Variants in IFT57 observed in about 807,000 individuals in gnomAD.
IFT57 encodes the protein intraflagellar transport protein 57 homolog.
Under a neutral mutation model 56.8 loss-of-function variants are expected in IFT57, and 59 were observed. The ratio of observed to expected loss-of-function variants is 1.04; its 90% confidence interval spans 0.84 to 1.29. The LOEUF is 1.29. IFT57 is among the 50% of genes most tolerant of loss of function. The pLI is 0.00. For synonymous variants in IFT57, 209 were observed against 186.1 expected, an observed-to-expected ratio of 1.12 and a Z score of -1.00; for missense variants, 470 against 522.1, an observed-to-expected ratio of 0.90 and a Z score of 0.97.
Position 108,166,921 on chromosome 3 carries a change from T to A in IFT57, c.914A>T (p.Lys305Met), listed in dbSNP as rs779526531. 9.3e-6 allele frequency: 15 copies of A among 1,611,712 alleles called. No homozygotes were observed. In the South Asian group the frequency reaches 1.6e-4, roughly 18 times the overall value. ...ATTCTCAAGCTGATTGTTGATGTAC[T>A]TTTCTCGGCTGCTGATCTTTTCCAA... is the stretch of plus-strand genomic sequence containing the variant. ...RTLEKISSRE[K>M]YINNQLENLV... Residue 305 changes from lysine (K) to methionine (M), a missense_variant, in exon 8 of 11, where the codon AAG becomes ATG. Coordinates refer to ENST00000264538, the MANE Select transcript of IFT57 (RefSeq NM_018010.4).
intron 5 of IFT57, among the ~76,000 whole-genome samples, chr3:108,205,129 G>A (rs1029176994): frequency 3.9e-5 from 6 of 152,020 alleles, no homozygotes; most frequent in East Asian, 1.9e-4. Context: ...AGCTATCTCC[G>A]TTATCAAGGA....
intron 3 of IFT57, among the ~76,000 whole-genome samples, chr3:108,217,495 T>C (rs2080379136): frequency 6.6e-6 from 1 of 152,048 alleles, no homozygotes; most frequent in African/African-American, 2.4e-5. Context: ...AATAATAATG[T>C]TTGGATTGAA....
intron 6 of IFT57, among the ~76,000 whole-genome samples, chr3:108,179,905 TA>T (rs34903030): frequency 1.3e-5 from 2 of 151,988 alleles, no homozygotes; most frequent in East Asian, 3.9e-4. Flanking sequence ...CATATTACTT[TA>T]AAAAAGTATC....
chr3:108,180,188 G>C (rs2080144629), intron 6 of IFT57, among the ~76,000 whole-genome samples: 1 of 151,886 alleles, frequency 6.6e-6, no homozygotes, highest in Admixed American at 6.6e-5. Context: ...ACGCTCGAAG[G>C]CTATCTTTAC....
intron 5 of IFT57, among the ~76,000 whole-genome samples, chr3:108,199,309 G>C (rs2080263912): frequency 6.6e-6 from 1 of 152,200 alleles, no homozygotes; most frequent in African/African-American, 2.4e-5. Flanking sequence ...GTAGGAGTCT[G>C]AATGAGAAAG....
intron 6 of IFT57, among the ~76,000 whole-genome samples, chr3:108,185,180 G>A (rs1331492285): frequency 6.6e-6 from 1 of 152,146 alleles, no homozygotes; most frequent in African/African-American, 2.4e-5. Flanking sequence ...CAGCTTTTAT[G>A]TGGGTGTAGG....
chr3:108,199,142 A>G (rs2080262804), intron 5 of IFT57, among the ~76,000 whole-genome samples: 1 of 152,134 alleles, frequency 6.6e-6, no homozygotes, highest in Admixed American at 6.6e-5. Flanking sequence ...GATTTGGGAA[A>G]CTTTTCACAT....
chr3:108,206,740 A>C (rs1238136856), intron 4 of IFT57, 44 bp from the exon 5 acceptor site: 3 of 644,820 alleles, frequency 4.7e-6, no homozygotes, highest in Non-Finnish European at 6.8e-6. Context: ...ATTATAATTA[A>C]AAAATATATT....
chr3:108,208,320 A>G (rs2080324603), intron 4 of IFT57, among the ~76,000 whole-genome samples: 1 of 152,234 alleles, frequency 6.6e-6, no homozygotes, highest in Non-Finnish European at 1.5e-5. Flanking sequence ...GTAAGAGTCT[A>G]CTTAACAACC....
At chr3:108,178,535 C>G (rs1306576036) in intron 6 of IFT57, among the ~76,000 whole-genome samples, 1 of 151,784 alleles carries the variant, frequency 6.6e-6, no homozygotes, top group African/African-American at 2.4e-5. Flanking sequence ...GGATTCATAT[C>G]CTGAATATAT....
At chr3:108,192,699 T>TA (rs902995749) in intron 5 of IFT57, among the ~76,000 whole-genome samples, 15 of 152,124 alleles carry the variant, frequency 9.9e-5, no homozygotes, top group African/African-American at 3.6e-4. Flanking sequence ...TAAACAGACT[T>TA]AAAATGTATG....
In IFT57 at chr3:108,222,408, A is replaced by G; in HGVS notation, c.-86T>C. The G allele has an allele frequency of 2.6e-6, 3 of 1,164,222 alleles. No individual in the cohort carries two copies. The highest frequency in any genetic ancestry group is 2.8e-5 in the Admixed American group (1 of 36,292). 72.1% of individuals were successfully genotyped at this position (1,164,222 alleles called of 1,614,324 possible). A position where few individuals can be genotyped will look rare whatever the true frequency, so the allele number is the denominator to read the frequency against. ...CAGCCCTGCCGCCGCCAGTACAGCC[A>G]CGACCGGTTACCAGGCGACCACCGG... On this transcript the variant is annotated 5_prime_UTR_variant, in exon 1 of 11. Transcript: ENST00000264538.
chr3:108,167,821 C>A lies in IFT57; in HGVS notation c.821G>T (p.Gly274Val), dbSNP rs1340869685. The change falls in exon 7 of 11, where the codon GGA (glycine) becomes GTA (valine). Residue 274 changes from glycine (G) to valine (V), a missense_variant. Physicochemically the swap from Gly to Val is moderately radical, Grantham distance 109. Transcript: ENST00000264538. ...HVDQMHQHRS[G>V]IESALKETKG... ...GGTCTCCTTTAGAGCAGATTCAATT[C>A]CACTTCTGTGCTGGTGCATTTGGTC... 2 of 1,590,900 alleles carry A rather than the reference C, an allele frequency of 1.3e-6. No individual in the cohort carries two copies. The highest frequency in any genetic ancestry group is 1.8e-5 in the Admixed American group (1 of 55,814).
At chr3:108,163,601 G>T in intron 10 of IFT57, 62 bp downstream of exon 10, 2 of 1,071,864 alleles carry the variant, frequency 1.9e-6, no homozygotes, top group Non-Finnish European at 2.9e-6. Context: ...TTGTTAAGTA[G>T]GTTTCTTGAA....
At chr3:108,166,794 C>CA in intron 8 of IFT57, 60 bp downstream of exon 8, 11 of 1,438,334 alleles carry the variant, frequency 7.6e-6, no homozygotes, top group Non-Finnish European at 1.0e-5. Flanking sequence ...AGTATTGTGT[C>CA]AAGTTTAGGG....
At chr3:108,209,100 AACT>A (rs2080329231) in intron 4 of IFT57, among the ~76,000 whole-genome samples, 1 of 152,194 alleles carries the variant, frequency 6.6e-6, no homozygotes, top group Admixed American at 6.5e-5. Context: ...TATAAACACA[AACT>A]ACAAGCATGT....
At chr3:108,186,939 C>T (rs1298270551) in intron 6 of IFT57, among the ~76,000 whole-genome samples, 1 of 152,082 alleles carries the variant, frequency 6.6e-6, no homozygotes, top group Non-Finnish European at 1.5e-5. Context: ...TGTAAGAATA[C>T]AGAATATAAT....
chr3:108,193,345 CT>C (rs2080226121), intron 5 of IFT57, among the ~76,000 whole-genome samples: 1 of 152,138 alleles, frequency 6.6e-6, no homozygotes, highest in Non-Finnish European at 1.5e-5. Flanking sequence ...ACAGCAAGTC[CT>C]GTTTAGACTC....
At chr3:108,218,043 G>T (rs1331942293) in intron 3 of IFT57, among the ~76,000 whole-genome samples, 1 of 151,828 alleles carries the variant, frequency 6.6e-6, no homozygotes, top group East Asian at 1.9e-4. Context: ...TGTCAGGTTG[G>T]ACACAAAAGC....
Sources: allele counts gnomAD v4.1 joint callset (sites outside exome capture counted in the v4.1 genomes callset), GRCh38; gene constraint gnomAD v4.1.1; transcripts MANE v1.5; gene names NCBI Gene and HGNC (gene_info 2026-07-23, HGNC 2026-07-21).